Variants in MYO18B observed in about 807,000 individuals in gnomAD.
MYO18B encodes the protein unconventional myosin-XVIIIb.
Under a neutral mutation model 273.0 loss-of-function variants are expected in MYO18B, and 204 were observed. The ratio of observed to expected loss-of-function variants is 0.75; its 90% CI spans 0.67 to 0.84. The LOEUF (loss-of-function observed/expected upper bound fraction) is 0.84. Among genes scored for constraint, MYO18B ranks in the 40% least tolerant of loss-of-function variants. The pLI, the probability that MYO18B is intolerant of heterozygous loss-of-function variation, is 0.00. For synonymous variants in MYO18B, 1,330 were observed against 1,305.7 expected (o/e 1.02, Z -0.40); for missense variants, 3,212 against 3,287.6 (o/e 0.98, Z 0.56).
At chr22:25,850,671 G>T (rs2090399039) in intron 20 of MYO18B, among the ~76,000 whole-genome samples, 1 of 152,044 alleles carries the variant, frequency 6.6e-6, no homozygotes, top group Non-Finnish European at 1.5e-5. Flanking sequence ...TCTGCCTCCT[G>T]GGCTCAAGTA....
At chr22:25,782,150 G>A (rs181446819) in intron 10 of MYO18B, among the ~76,000 whole-genome samples, 1 of 151,420 alleles carries the variant, frequency 6.6e-6, no homozygotes, top group South Asian at 2.1e-4. Context: ...CCTGAGCCTC[G>A]GTTTCTTCCT....
chr22:25,908,393 G>A lies in MYO18B; in HGVS notation c.5220G>A (p.Glu1740=). The part of the protein sequence containing the change: ...QMHQKDREDQ[E]EELEDVRQSC... ...ACCAGAAGGACCGTGAGGACCAGGA[G>A]GAGGAACTGGAGGATGTCCGTCAGT... The change falls in exon 32 of 44, where the codon GAG becomes GAA. Residue 1740 remains glutamate (E), a synonymous_variant. Transcript: ENST00000335473. The A allele has an allele frequency of 6.2e-7, 1 of 1,600,622 alleles. No individual in the cohort carries two copies. The highest frequency in any genetic ancestry group is 8.5e-7 in the Non-Finnish European group (1 of 1,173,840).
At chr22:25,885,906 G>T (rs992946753) in intron 25 of MYO18B, among the ~76,000 whole-genome samples, 1 of 152,144 alleles carries the variant, frequency 6.6e-6, no homozygotes, top group African/African-American at 2.4e-5. Flanking sequence ...CTTTCTCCTG[G>T]CATTCTTACA....
At chr22:25,865,955 C>G (rs2090873350) in intron 21 of MYO18B, among the ~76,000 whole-genome samples, 1 of 151,960 alleles carries the variant, frequency 6.6e-6, no homozygotes, top group African/African-American at 2.4e-5. Context: ...ACATGTTTGG[C>G]TAAAATGTGA....
intron 39 of MYO18B, among the ~76,000 whole-genome samples, chr22:25,960,121 T>G (rs2092901976): frequency 6.6e-6 from 1 of 152,172 alleles, no homozygotes; most frequent in Non-Finnish European, 1.5e-5. Context: ...ACCCCTCCGG[T>G]GGAACTTTGC....
At chr22:25,826,121 G>C (rs1436971519) in intron 13 of MYO18B, among the ~76,000 whole-genome samples, 1 of 152,208 alleles carries the variant, frequency 6.6e-6, no homozygotes, top group African/African-American at 2.4e-5. Flanking sequence ...GGTGGTGATG[G>C]TGGTAGTCAA....
chr22:25,769,939 C>T (rs557173646), intron 4 of MYO18B, 171 bp from the exon 5 acceptor site: 255 of 666,548 alleles, frequency 3.8e-4, no homozygotes, highest in Non-Finnish European at 2.6e-4. Flanking sequence ...CTCCACCTCC[C>T]GGGTCCGCAA....
intron 25 of MYO18B, among the ~76,000 whole-genome samples, chr22:25,887,768 C>T (rs1017395346): frequency 1.3e-5 from 2 of 152,158 alleles, no homozygotes; most frequent in Admixed American, 6.5e-5. Flanking sequence ...CTGAGAAAAA[C>T]ATGTGTCATT....
At chr22:25,777,903 AC>A in intron 8 of MYO18B, 122 bp downstream of exon 8, 1 of 946,496 alleles carries the variant, frequency 1.1e-6, no homozygotes, top group Non-Finnish European at 1.5e-6. Flanking sequence ...ATATGTGCAG[AC>A]CCCATGCTTG....
chr22:25,905,898 C>T (rs917612834), intron 31 of MYO18B, among the ~76,000 whole-genome samples: 2 of 152,218 alleles, frequency 1.3e-5, no homozygotes, highest in Non-Finnish European at 2.9e-5. Flanking sequence ...CCCAGTGTTC[C>T]TTGTGTTCCT....
downstream of MYO18B, among the ~76,000 whole-genome samples, chr22:26,033,768 G>T (rs748800072): frequency 6.8e-6 from 1 of 147,794 alleles, no homozygotes; most frequent in African/African-American, 2.5e-5. Flanking sequence ...TTTTCTCTCT[G>T]TATCTTTTTC....
At chr22:25,966,921 C>T (rs1191882882) in intron 39 of MYO18B, among the ~76,000 whole-genome samples, 1 of 152,190 alleles carries the variant, frequency 6.6e-6, no homozygotes, top group Non-Finnish European at 1.5e-5. Context: ...GCGTCTGGCT[C>T]TGAGATGAGT....
intron 11 of MYO18B, among the ~76,000 whole-genome samples, chr22:25,788,112 A>G (rs117982536): frequency 2.0e-5 from 3 of 152,098 alleles, no homozygotes; most frequent in Admixed American, 2.0e-4. Flanking sequence ...TCTGTGGGGC[A>G]TTTTTTAGAC....
At chr22:25,918,572 A>G (rs563101577) in intron 33 of MYO18B, among the ~76,000 whole-genome samples, 1 of 152,196 alleles carries the variant, frequency 6.6e-6, no homozygotes, top group South Asian at 2.1e-4. Context: ...CTGGTCTGAG[A>G]TTTTCTTGTG....
chr22:25,991,864 G>A (rs1057397470), intron 39 of MYO18B, among the ~76,000 whole-genome samples: 12 of 152,112 alleles, frequency 7.9e-5, no homozygotes, highest in Non-Finnish European at 1.5e-4. Flanking sequence ...TTTCATCTTT[G>A]CTTTTGCTGC....
At position 26,026,778 on chromosome 22, in the gene MYO18B, C is replaced by T. The variant is rs1202515854; in HGVS notation, c.6804C>T (p.Ser2268=). ...AGAGAGCCCAGAGAGGCCAGGGGTCCACGCTGGGCCTAGAGGACTGGCCCA... is the reference window on the plus strand; with the variant it reads ...AGAGAGCCCAGAGAGGCCAGGGGTCTACGCTGGGCCTAGAGGACTGGCCCA... ...RRKRAQRGQG[S]TLGLEDWPTL... is the part of the protein sequence containing the mutation. Residue 2268 remains serine (S), a synonymous_variant, in exon 43 of 44, where the codon TCC becomes TCT. Coordinates refer to ENST00000335473, the MANE Select transcript of MYO18B (RefSeq NM_032608.7). 5.6e-6 allele frequency: 9 copies of T among 1,607,264 alleles called. No individual in the cohort carries two copies. The highest frequency in any genetic ancestry group is 7.6e-6 in the Non-Finnish European group (9 of 1,177,020).
At chr22:25,745,715 C>G (rs1019606956) in intron 1 of MYO18B, among the ~76,000 whole-genome samples, 3 of 150,102 alleles carry the variant, frequency 2.0e-5, no homozygotes, top group African/African-American at 7.5e-5. Context: ...GAGTTTACCC[C>G]TTGGCCAGTG....
intron 41 of MYO18B, 60 bp from the exon 42 acceptor site, chr22:26,004,658 T>A (rs1485447242): frequency 6.3e-7 from 1 of 1,593,138 alleles, no homozygotes; most frequent in Non-Finnish European, 8.6e-7. Context: ...GGTGAATATC[T>A]AATTATTGCT....
chr22:25,843,028 C>G (rs2090130854), intron 17 of MYO18B, among the ~76,000 whole-genome samples: 2 of 152,160 alleles, frequency 1.3e-5, no homozygotes, highest in Admixed American at 1.3e-4. Flanking sequence ...CTCCTTTAAG[C>G]CATAAGCCAC....
Sources: gnomAD v4.1 joint callset for allele counts (sites outside exome capture counted in the v4.1 genomes callset) on GRCh38, gnomAD v4.1.1 for gene constraint, MANE v1.5 for transcripts, NCBI Gene and HGNC (gene_info 2026-07-23, HGNC 2026-07-21) for gene names.